Variants in CPSF1 observed in about 807,000 individuals in gnomAD.
CPSF1 encodes cleavage and polyadenylation specificity factor subunit 1.
Under a neutral mutation model 175.8 loss-of-function variants are expected in CPSF1, and 106 were observed. That is an observed-to-expected ratio of 0.60 (90% CI 0.52 to 0.71). The LOEUF (loss-of-function observed/expected upper bound fraction) is 0.71, where lower values mean the gene tolerates loss of function less well. CPSF1 is among the 30% of genes least tolerant of loss of function. The probability of loss-of-function intolerance (pLI) is 0.00; values close to 1 mark genes in which losing one functional copy is unlikely to be tolerated. For missense variants in CPSF1, 1,734 were observed against 2,022.9 expected, an observed-to-expected ratio of 0.86 and a Z score of 2.74; for synonymous variants, 1,024 against 858.3, an observed-to-expected ratio of 1.19 and a Z score of -3.37.
intron 31 of CPSF1, 24 bp from the exon 32 acceptor site, chr8:144,394,579 C>A (rs376203383): frequency 5.0e-6 from 8 of 1,602,820 alleles, no homozygotes; most frequent in Non-Finnish European, 6.8e-6. Flanking sequence ...CGAGGGTGAG[C>A]GGGCGCGGAC....
rs1554863332 is a variant in CPSF1, at chr8:144,395,330, T to C, written c.3122A>G (p.Asn1041Ser). 2.5e-6 allele frequency: 4 copies of C among 1,613,306 alleles called. No individual in the cohort carries two copies. Among genetic ancestry groups the C allele is most frequent in the Admixed American group, 3.3e-5 (2 of 59,990 alleles). Residue 1041 changes from asparagine to serine, a missense_variant, in exon 28 of 38, where the codon AAC (asparagine) becomes AGC (serine). Transcript: ENST00000616140. ...SKVYAVATST[N>S]TPCARIPRMT... ...GCGTGGGATGCGGGCACACGGCGTG[T>C]TGGTGCTGGTGGCCACAGCATACAC... is the stretch of plus-strand genomic sequence containing the variant.
chr8:144,397,920 G>A (rs1169231098), intron 20 of CPSF1, 34 bp downstream of exon 20: 3 of 1,598,944 alleles, frequency 1.9e-6, no homozygotes, highest in Admixed American at 1.7e-5. Context: ...GCAAGGGGCA[G>A]GGACAGGAGG....
chr8:144,408,261 C>T (rs1396526062), intron 2 of CPSF1, among the ~76,000 whole-genome samples: 1 of 152,184 alleles, frequency 6.6e-6, no homozygotes, highest in African/African-American at 2.4e-5. Flanking sequence ...CCCTCAACTG[C>T]TTTGGGCCTG....
In CPSF1 at chr8:144,399,749, G is replaced by T. The variant is rs2116865892; in HGVS notation, c.1119+32C>A. On this transcript the variant is annotated intron_variant, in intron 11 of 37. Transcript: ENST00000616140. The surrounding 1 kb of genome is among the most constrained non-coding windows in gnomAD (Gnocchi z 6.4). The stretch of plus-strand genomic sequence containing the variant: ...GGTGTGTGATGGCTGGGCCGGGTCT[G>T]GACCCAGACCCAACCCCTAGTCCCA... 6.3e-7 allele frequency: 1 copy of T among 1,596,928 alleles called. No individual in the cohort carries two copies. Among genetic ancestry groups the T allele is most frequent in the Non-Finnish European group, 8.5e-7 (1 of 1,172,198 alleles).
Position 144,395,560 on chromosome 8 carries a change from G to A in CPSF1, c.2980-9C>T. On this transcript the variant is annotated splice_polypyrimidine_tract_variant and intron_variant, in intron 26 of 37. Transcript: ENST00000616140. ...CTGATCCTCAGCTCGCCCTGGGGTG[G>A]GGGCACAGGGGTCAGGGGATCCAGG... 2.0e-6 allele frequency: 3 copies of A among 1,523,178 alleles called. No homozygotes were observed. The highest frequency in any genetic ancestry group is 1.4e-5 in the African/African-American group (1 of 73,516). 94.4% of individuals were successfully genotyped at this position (1,523,178 alleles called of 1,614,324 possible).
At chr8:144,395,659 CA>C (rs1259999599) in intron 26 of CPSF1, 108 bp from the exon 27 acceptor site, 2 of 918,498 alleles carry the variant, frequency 2.2e-6, no homozygotes, top group Admixed American at 4.3e-5. Flanking sequence ...TCTGTGGGAG[CA>C]GGGGTGGGTG....
rs782289820 is a variant in CPSF1 at position 144,395,189 on chromosome 8, G to A, written c.3188-7C>T. ...GGGTGGATGTACCGCTCATCTGTGGGGACCAAGGGTGACAGTCAGAGTAGG... is the reference window on the plus strand; with the variant it reads ...GGGTGGATGTACCGCTCATCTGTGGAGACCAAGGGTGACAGTCAGAGTAGG... On this transcript the variant is annotated splice_polypyrimidine_tract_variant and splice_region_variant and intron_variant, in intron 28 of 37. Transcript: ENST00000616140. The A allele has an allele frequency of 3.7e-6, 6 of 1,612,800 alleles. No homozygotes were observed. Among genetic ancestry groups the A allele is most frequent in the Non-Finnish European group, 5.1e-6 (6 of 1,179,576 alleles).
chr8:144,404,177 C>T (rs1821369761), intron 2 of CPSF1, among the ~76,000 whole-genome samples: 1 of 151,766 alleles, frequency 6.6e-6, no homozygotes, highest in South Asian at 2.1e-4. Context: ...GAGCCAAGAT[C>T]ATGCCATTGC....
intron 1 of CPSF1, 53 bp downstream of exon 1, chr8:144,409,236 G>A (rs1821665234): frequency 3.1e-6 from 4 of 1,286,488 alleles, no homozygotes; most frequent in African/African-American, 3.1e-5. Context: ...GCCCCGCACC[G>A]CGCCCCTCCC....
Position 144,394,806 on chromosome 8 carries a change from A to C in CPSF1, c.3415-10T>G, listed in dbSNP as rs782572188. The C allele has an allele frequency of 6.2e-7, 1 of 1,613,434 alleles. No homozygotes were observed. Among genetic ancestry groups the C allele is most frequent in the African/African-American group, 1.3e-5 (1 of 75,028 alleles). ...CATCCATGATCAAGATCTGGAGGGC[A>C]TGGGTATGGCTGTGGGATGGCTGTG... On this transcript the variant is annotated splice_polypyrimidine_tract_variant and intron_variant, in intron 30 of 37. Coordinates refer to ENST00000616140, the MANE Select transcript of CPSF1 (RefSeq NM_013291.3).
In CPSF1 at chr8:144,397,772, C is replaced by A. The variant is rs530738110; in HGVS notation, c.2181G>T (p.Pro727=). The A allele has an allele frequency of 2.5e-6, 4 of 1,609,450 alleles. No homozygotes were observed. The highest frequency in any genetic ancestry group is 1.7e-5 in the Admixed American group (1 of 59,830). The stretch of plus-strand genomic sequence containing the variant: ...TCTCTGAGCCCAGGCCCTCGGCCTC[C>A]GGGCCACTGCGGCCCCCGAGCTCGT... ...ARDELGGRSG[P]EAEGLGSETS... Residue 727 remains proline (P), a synonymous_variant, in exon 21 of 38, where the codon CCG becomes CCT. Coordinates refer to ENST00000616140, the MANE Select transcript of CPSF1 (RefSeq NM_013291.3).
intron 2 of CPSF1, among the ~76,000 whole-genome samples, chr8:144,408,088 G>A (rs2116910244): frequency 1.3e-5 from 2 of 152,132 alleles, no homozygotes; most frequent in Non-Finnish European, 2.9e-5. Context: ...GCCTCCTTTG[G>A]CCTGAGCTTC....
chr8:144,407,499 T>C (rs116869391), intron 2 of CPSF1, among the ~76,000 whole-genome samples: 137,073 of 152,084 alleles, frequency 0.9, 62,059 homozygotes, highest in East Asian at 1. Context: ...CTGGCCAATG[T>C]GGCGAAACCC....
intron 2 of CPSF1, among the ~76,000 whole-genome samples, chr8:144,407,953 G>T (rs1044966295): frequency 6.6e-6 from 1 of 152,190 alleles, no homozygotes; most frequent in Non-Finnish European, 1.5e-5. Flanking sequence ...ATGTGGTGAG[G>T]AACTGCGGCC....
rs1176489420 is a variant in CPSF1 at position 144,396,517 on chromosome 8, T to C, written c.2827-17A>G. 1 of 1,611,050 alleles carries C rather than the reference T, an allele frequency of 6.2e-7. No homozygotes were observed. Among genetic ancestry groups the C allele is most frequent in the Non-Finnish European group, 8.5e-7 (1 of 1,178,616 alleles). On this transcript the variant is annotated splice_polypyrimidine_tract_variant and intron_variant, in intron 25 of 37. Transcript: ENST00000616140. Reference sequence around the variant, plus strand: ...GATGAAGACCTGGGGGCAGGCACCGTGAGGATGCTGTGGATGAGGATGCTG... The same window carrying C: ...GATGAAGACCTGGGGGCAGGCACCGCGAGGATGCTGTGGATGAGGATGCTG...
rs2116899763 is a variant in CPSF1, at chr8:144,404,779, G to A, written c.145-3106C>T. On this transcript the variant is annotated intron_variant, in intron 2 of 37. Coordinates refer to ENST00000616140, the MANE Select transcript of CPSF1 (RefSeq NM_013291.3). ...GCTAAAGAAATAGCGACCAAAGGCT[G>A]GGCGTGGTGGCTCACGCCTGTAATC... Among the ~76,000 whole-genome samples, 192 of 152,108 alleles carry A rather than the reference G, an allele frequency of 1.3e-3. 2 individuals carry two copies. The highest frequency in any genetic ancestry group is 2.7e-3 in the Admixed American group (41 of 15,284).
chr8:144,400,135 G>GGGGGGGCGCGCCC, intron 9 of CPSF1, 31 bp downstream of exon 9: 1 of 896,012 alleles, frequency 1.1e-6, no homozygotes, highest in Non-Finnish European at 1.6e-6. Flanking sequence ...CCGTCCCCGG[G>GGGGGGGCGCGCCC]CCCCCCCCGC....
chr8:144,400,788 A>T lies in CPSF1; in HGVS notation c.569T>A (p.Ile190Asn). 1 of 1,613,806 alleles carries T rather than the reference A, an allele frequency of 6.2e-7. No homozygotes were observed. Among genetic ancestry groups the T allele is most frequent in the South Asian group, 1.1e-5 (1 of 91,044 alleles). ...GQRSSFLPSY[I>N]IDVRALDEKL... is the part of the protein sequence containing the mutation. ...CTCGTCTAGGGCCCGCACGTCGATG[A>T]TGTAGCTGGGCAGGAAGCTGGACCT... Residue 190 changes from isoleucine to asparagine, a missense_variant, in exon 7 of 38, where the codon ATC (isoleucine) becomes AAC (asparagine). This residue lies in a region of CPSF1 where 122 missense variants were observed against 177.2 expected (regional missense o/e 0.69). Coordinates refer to ENST00000616140, the MANE Select transcript of CPSF1 (RefSeq NM_013291.3).
chr8:144,400,135 G>GGCCCCCCCCCCCCC (rs1821085595), intron 9 of CPSF1, 31 bp downstream of exon 9: 157 of 896,368 alleles, frequency 1.8e-4, no homozygotes, highest in Middle Eastern at 3.7e-4. Context: ...CCGTCCCCGG[G>GGCCCCCCCCCCCCC]CCCCCCCCGC....
Sources: allele counts gnomAD v4.1 joint callset (sites outside exome capture counted in the v4.1 genomes callset), GRCh38; gene constraint gnomAD v4.1.1; regional missense constraint gnomAD v4.1.1; non-coding constraint Gnocchi (gnomAD v3.1); transcripts MANE v1.5; gene names NCBI Gene and HGNC (gene_info 2026-07-23, HGNC 2026-07-21).